Variants in STX8 observed in about 807,000 individuals in gnomAD.
The protein encoded by STX8 is syntaxin 8.
In STX8, 23 loss-of-function variants were observed where a neutral mutation model predicts 37.5. That is an observed-to-expected ratio of 0.61 (90% CI 0.44 to 0.87). The LOEUF (loss-of-function observed/expected upper bound fraction) is 0.87, where lower values mean the gene tolerates loss of function less well. Ranked by LOEUF, STX8 falls within the 40% of genes least tolerant of loss-of-function variation. The pLI, the probability that STX8 is intolerant of heterozygous loss-of-function variation, is 0.00. For missense variants in STX8, 313 were observed against 284.7 expected, an observed-to-expected ratio of 1.10 and a Z score of -0.71; for synonymous variants, 115 against 99.1, an observed-to-expected ratio of 1.16 and a Z score of -0.95.
At chr17:9,355,755 G>A (rs11657028) in intron 7 of STX8, among the ~76,000 whole-genome samples, 2,222 of 152,078 alleles carry the variant, frequency 0.015, 27 homozygotes, top group Middle Eastern at 0.031. Context: ...TGATCTGCCC[G>A]CCTCAGCCTC....
At chr17:9,293,331 G>A (rs1481763903) in intron 7 of STX8, among the ~76,000 whole-genome samples, 1 of 152,130 alleles carries the variant, frequency 6.6e-6, no homozygotes, top group Non-Finnish European at 1.5e-5. Context: ...AATGGAGCTG[G>A]ATTCCAATCC....
chr17:9,476,103 C>T (rs556335487), intron 6 of STX8, among the ~76,000 whole-genome samples: 9 of 151,844 alleles, frequency 5.9e-5, no homozygotes, highest in East Asian at 2.0e-4. Flanking sequence ...CGTTTGAAGC[C>T]GGGGGGCGGA....
At chr17:9,323,219 A>G (rs1909637183) in intron 7 of STX8, among the ~76,000 whole-genome samples, 1 of 152,198 alleles carries the variant, frequency 6.6e-6, no homozygotes, top group Non-Finnish European at 1.5e-5. Flanking sequence ...TGACAGATCA[A>G]TTATTCCTTC....
intron 6 of STX8, among the ~76,000 whole-genome samples, chr17:9,384,091 CT>C (rs1242000813): frequency 6.6e-6 from 1 of 151,228 alleles, no homozygotes; most frequent in Non-Finnish European, 1.5e-5. Context: ...AAAAGAGTTC[CT>C]TTTTTTCTCC....
At chr17:9,510,023 A>G (rs887831151) in intron 4 of STX8, among the ~76,000 whole-genome samples, 11 of 152,196 alleles carry the variant, frequency 7.2e-5, no homozygotes, top group Admixed American at 7.2e-4. Context: ...AAAAGTTGTG[A>G]AATTAGACAA....
chr17:9,274,157 C>G (rs754708862), intron 7 of STX8, among the ~76,000 whole-genome samples: 5 of 152,124 alleles, frequency 3.3e-5, no homozygotes, highest in Admixed American at 6.5e-5. Flanking sequence ...CCATCCCTCC[C>G]CTCTGCATGT....
chr17:9,456,556 T>G (rs1002520313), intron 6 of STX8, among the ~76,000 whole-genome samples: 1 of 152,182 alleles, frequency 6.6e-6, no homozygotes, highest in African/African-American at 2.4e-5. Flanking sequence ...AGTCTATGTT[T>G]CCCTTCATTT....
chr17:9,304,934 T>A (rs1419899620), intron 7 of STX8, among the ~76,000 whole-genome samples: 6 of 150,730 alleles, frequency 4.0e-5, no homozygotes, highest in Admixed American at 1.3e-4. Flanking sequence ...AATATGTATA[T>A]ATATATATAT....
At chr17:9,327,286 A>G (rs1411033484) in intron 7 of STX8, among the ~76,000 whole-genome samples, 3 of 148,562 alleles carry the variant, frequency 2.0e-5, no homozygotes, top group African/African-American at 7.7e-5. Context: ...AAGAAGGAAG[A>G]AAGAAGAAGA....
intron 6 of STX8, among the ~76,000 whole-genome samples, chr17:9,450,871 G>A (rs566660226): frequency 6.6e-6 from 1 of 152,206 alleles, no homozygotes; most frequent in South Asian, 2.1e-4. Flanking sequence ...AAGTCCAAAT[G>A]ACATCCTGAA....
rs951672329 is a variant in STX8 at position 9,507,163 on chromosome 17, T to C, written c.324-2001A>G. Among the ~76,000 whole-genome samples, 2 of 151,986 alleles carry C rather than the reference T, an allele frequency of 1.3e-5. No homozygotes were observed. The highest frequency in any genetic ancestry group is 2.9e-5 in the Non-Finnish European group (2 of 68,000). On this transcript the variant is annotated intron_variant, in intron 4 of 7. Transcript: ENST00000306357. This position sits in a 1 kb window ranked among gnomAD's most constrained non-coding sequence, Gnocchi z 4.0. ...ACTACGCTCCTGCATCCCGGATCTA[T>C]GAAACAGTCGGGCAGTGCAGCCCCC...
intron 6 of STX8, among the ~76,000 whole-genome samples, chr17:9,396,368 G>A (rs546574449): frequency 2.7e-4 from 41 of 150,658 alleles, no homozygotes; most frequent in Admixed American, 2.1e-3. Context: ...TAGGAATTTG[G>A]GGGGGCGGGG....
At chr17:9,560,001 A>T (rs1907160193) in intron 2 of STX8, among the ~76,000 whole-genome samples, 3 of 148,862 alleles carry the variant, frequency 2.0e-5, no homozygotes, top group Admixed American at 1.3e-4. Context: ...ACCTCAGGTG[A>T]TCCACCCACC....
At chr17:9,331,193 G>A (rs995621940) in intron 7 of STX8, among the ~76,000 whole-genome samples, 2 of 152,138 alleles carry the variant, frequency 1.3e-5, no homozygotes, top group African/African-American at 4.8e-5. Flanking sequence ...GGTATCAAAG[G>A]ATACGCTACG....
chr17:9,284,905 A>G (rs1275799226), intron 7 of STX8, among the ~76,000 whole-genome samples: 2 of 152,168 alleles, frequency 1.3e-5, no homozygotes, highest in Non-Finnish European at 2.9e-5. Context: ...TGTTTTAATT[A>G]ACAGAGGCAA....
At chr17:9,564,139 G>T (rs62064099) in intron 2 of STX8, among the ~76,000 whole-genome samples, 24,166 of 152,106 alleles carry the variant, frequency 0.16, 2,073 homozygotes, top group South Asian at 0.24. Context: ...ACATCATACT[G>T]AATGGGCAAA....
At chr17:9,432,194 C>G (rs1914009700) in intron 6 of STX8, among the ~76,000 whole-genome samples, 1 of 151,690 alleles carries the variant, frequency 6.6e-6, no homozygotes, top group Admixed American at 6.6e-5. Flanking sequence ...TAAAAAAGTT[C>G]CAATTGATTT....
intron 4 of STX8, among the ~76,000 whole-genome samples, chr17:9,542,004 A>ATT (rs35489488): frequency 6.9e-6 from 1 of 144,148 alleles, no homozygotes; most frequent in African/African-American, 2.6e-5. Flanking sequence ...AAACATTTGT[A>ATT]TTTTTTTTTT....
At chr17:9,432,681 T>C (rs1019045600) in intron 6 of STX8, among the ~76,000 whole-genome samples, 3 of 152,234 alleles carry the variant, frequency 2.0e-5, no homozygotes, top group African/African-American at 7.2e-5. Context: ...GAGCAAGGCA[T>C]TTCAACTATT....
Sources: gnomAD v4.1 joint callset for allele counts (sites outside exome capture counted in the v4.1 genomes callset) on GRCh38, gnomAD v4.1.1 for gene constraint, Gnocchi (gnomAD v3.1) non-coding constraint, MANE v1.5 for transcripts, NCBI Gene and HGNC (gene_info 2026-07-23, HGNC 2026-07-21) for gene names.